Variants in MAGI2 observed in about 807,000 individuals in gnomAD.
The protein encoded by MAGI2 is membrane associated guanylate kinase, WW and PDZ domain containing 2, also known as membrane-associated guanylate kinase, WW and PDZ domain-containing protein 2.
A neutral mutation model predicts 133.3 loss-of-function variants in MAGI2; 35 were observed. The observed-to-expected ratio is 0.26, with a 90% CI of 0.20 to 0.35. The LOEUF (loss-of-function observed/expected upper bound fraction) is 0.35. Among genes scored for constraint, MAGI2 ranks in the 10% least tolerant of loss-of-function variants. The pLI is 1.00. For missense variants in MAGI2, 1,636 were observed against 1,863.4 expected (o/e 0.88, Z 2.25); for synonymous variants, 729 against 710.6 (o/e 1.03, Z -0.41).
intron 2 of MAGI2, among the ~76,000 whole-genome samples, chr7:78,951,811 A>G (rs891127892): frequency 6.6e-6 from 1 of 152,146 alleles, no homozygotes; most frequent in African/African-American, 2.4e-5. Flanking sequence ...TATATTCAGA[A>G]AATTACTTGT....
intron 7 of MAGI2, chr7:78,350,222 C>G (rs182403467): frequency 1.3e-5 from 2 of 152,298 alleles, no homozygotes; most frequent in Admixed American, 1.3e-4. Context: ...ATCTCTTTGT[C>G]TTTACATTCA....
intron 1 of MAGI2, among the ~76,000 whole-genome samples, chr7:79,447,540 T>G (rs1420765723): frequency 6.6e-6 from 1 of 152,090 alleles, no homozygotes; most frequent in Non-Finnish European, 1.5e-5. Context: ...GCTAAAATTA[T>G]GGGGAAGCTA....
chr7:78,894,314 A>G (rs1211091600), intron 2 of MAGI2, among the ~76,000 whole-genome samples: 2 of 152,186 alleles, frequency 1.3e-5, no homozygotes, highest in Non-Finnish European at 2.9e-5. Flanking sequence ...AGGCAGGAGA[A>G]TGGCGTGAAC....
At chr7:78,897,646 G>GT (rs1285625658) in intron 2 of MAGI2, among the ~76,000 whole-genome samples, 17 of 152,064 alleles carry the variant, frequency 1.1e-4, no homozygotes, top group Non-Finnish European at 2.4e-4. Context: ...ATTTTAAAAT[G>GT]TTTTTTTCTA....
chr7:78,057,965 TTATATATATGTGTATATATA>T (rs1356684242), intron 21 of MAGI2, among the ~76,000 whole-genome samples: 1 of 30,332 alleles, frequency 3.3e-5, no homozygotes. Context: ...CTCTGGCATT[TTATATATATGTGTATATATA>T]TATATATATA....
chr7:78,764,061 G>A (rs1824773453), intron 2 of MAGI2, among the ~76,000 whole-genome samples: 1 of 152,158 alleles, frequency 6.6e-6, no homozygotes. Flanking sequence ...AGGACAACTG[G>A]AAGACCAGAG....
At chr7:78,870,388 G>T (rs1387110455) in intron 2 of MAGI2, among the ~76,000 whole-genome samples, 2 of 148,284 alleles carry the variant, frequency 1.3e-5, no homozygotes, top group Admixed American at 6.7e-5. Context: ...GTAGGCAAAC[G>T]ACATGAATAG....
intron 2 of MAGI2, among the ~76,000 whole-genome samples, chr7:78,961,658 A>C (rs1802854261): frequency 1.3e-5 from 2 of 152,276 alleles, no homozygotes; most frequent in Admixed American, 1.3e-4. Context: ...ATACCAAAAA[A>C]GGTGACTCTT....
intron 1 of MAGI2, among the ~76,000 whole-genome samples, chr7:79,442,483 T>C (rs1041449081): frequency 3.1e-4 from 47 of 151,784 alleles, no homozygotes; most frequent in Non-Finnish European, 5.4e-4. Flanking sequence ...TGTGTGTGTG[T>C]GTGTTCCATG....
chr7:78,623,043 G>A lies in MAGI2; in HGVS notation c.538+4077C>T, dbSNP rs561155832. 2.6e-5 allele frequency among the ~76,000 whole-genome samples: 4 copies of A among 152,042 alleles called. No individual in the cohort carries two copies. In the South Asian group the frequency reaches 8.3e-4, roughly 32 times the overall value. ...CTTGGTTATGTTCATACAGTTTCAG[G>A]ATATTACTTTCAAAAGTGAATTGGA... On this transcript the variant is annotated intron_variant, in intron 3 of 21. Coordinates refer to ENST00000354212, the MANE Select transcript of MAGI2 (RefSeq NM_012301.4).
At chr7:78,186,637 C>A (rs886204892) in intron 12 of MAGI2, among the ~76,000 whole-genome samples, 1 of 152,160 alleles carries the variant, frequency 6.6e-6, no homozygotes, top group Admixed American at 6.5e-5. Context: ...AGGCACCTTT[C>A]ATTCCACAGA....
At chr7:78,204,583 A>G (rs1418558403) in intron 10 of MAGI2, among the ~76,000 whole-genome samples, 2 of 152,198 alleles carry the variant, frequency 1.3e-5, no homozygotes, top group Non-Finnish European at 2.9e-5. Context: ...AAAGCTGTAT[A>G]TTAGAATTCT....
chr7:78,705,750 A>T (rs1352497474), intron 2 of MAGI2, among the ~76,000 whole-genome samples: 1 of 152,152 alleles, frequency 6.6e-6, no homozygotes, highest in Non-Finnish European at 1.5e-5. Context: ...TTTTCCTATG[A>T]AAAAATAGCT....
chr7:79,412,030 A>G (rs540915180), intron 1 of MAGI2: 1 of 152,230 alleles, frequency 6.6e-6, no homozygotes, highest in South Asian at 2.1e-4. Context: ...ATAAACATTT[A>G]CTTTTAAAAT....
chr7:79,157,970 G>A (rs541654036), intron 1 of MAGI2, among the ~76,000 whole-genome samples: 308 of 148,954 alleles, frequency 2.1e-3, no homozygotes, highest in Admixed American at 3.6e-3. Flanking sequence ...GTGTGTGTGT[G>A]TGTGTGTATT....
Position 78,986,890 on chromosome 7 carries a change from T to C in MAGI2, c.418+20200A>G, listed in dbSNP as rs1362729014. On this transcript the variant is annotated intron_variant, in intron 2 of 21. Coordinates refer to ENST00000354212, the MANE Select transcript of MAGI2 (RefSeq NM_012301.4). Reference sequence around the variant, plus strand: ...ATCCTCTCTTATACCATTTTCTGCTTCCATGGTACAAAGACAATCAAGAAC... The same window carrying C: ...ATCCTCTCTTATACCATTTTCTGCTCCCATGGTACAAAGACAATCAAGAAC... 2.0e-5 allele frequency among the ~76,000 whole-genome samples: 3 copies of C among 151,956 alleles called. No homozygotes were observed. The East Asian group carries it at 5.8e-4, about 30-fold the overall frequency.
At chr7:78,197,713 ACT>A (rs1828862780) in intron 11 of MAGI2, 1 of 151,578 alleles carries the variant, frequency 6.6e-6, no homozygotes, top group Non-Finnish European at 1.5e-5. Flanking sequence ...CTCTTGAGTC[ACT>A]CTGTCAGGGT....
chr7:79,186,030 T>C (rs1382093524), intron 1 of MAGI2, among the ~76,000 whole-genome samples: 2 of 151,438 alleles, frequency 1.3e-5, no homozygotes, highest in East Asian at 3.9e-4. Context: ...ATTTTTTTGA[T>C]AGTGAATTTT....
intron 1 of MAGI2, among the ~76,000 whole-genome samples, chr7:79,158,277 G>A (rs1254305942): frequency 6.6e-6 from 1 of 151,854 alleles, no homozygotes; most frequent in Non-Finnish European, 1.5e-5. Flanking sequence ...TTTATGTGTT[G>A]TGTACACAAC....
Sources: gnomAD v4.1 joint callset for allele counts (sites outside exome capture counted in the v4.1 genomes callset) on GRCh38, gnomAD v4.1.1 for gene constraint, MANE v1.5 for transcripts, NCBI Gene and HGNC (gene_info 2026-07-23, HGNC 2026-07-21) for gene names.